GPLD1: variants seen among roughly 807,000 people sequenced by gnomAD.
GPLD1 encodes the protein phosphatidylinositol-glycan-specific phospholipase D.
Under a neutral mutation model 112.6 loss-of-function variants are expected in GPLD1, and 84 were observed. The ratio of observed to expected loss-of-function variants is 0.75; its 90% CI spans 0.63 to 0.89. The LOEUF is 0.89. Ranked by LOEUF, GPLD1 falls within the 40% of genes least tolerant of loss-of-function variation. The probability of loss-of-function intolerance (pLI) is 0.00; values close to 1 mark genes in which losing one functional copy is unlikely to be tolerated. For missense variants in GPLD1, 1,044 were observed against 1,051.5 expected (o/e 0.99, Z 0.10); for synonymous variants, 386 against 403.8 (o/e 0.96, Z 0.53).
intron 12 of GPLD1, among the ~76,000 whole-genome samples, chr6:24,458,636 T>G (rs544082215): frequency 4.9e-4 from 75 of 152,264 alleles, no homozygotes; most frequent in African/African-American, 1.7e-3. Context: ...CCCAGCACTT[T>G]GGGAGGCCCA....
At chr6:24,488,514 C>A (rs962984154) in intron 1 of GPLD1, among the ~76,000 whole-genome samples, 10 of 152,114 alleles carry the variant, frequency 6.6e-5, no homozygotes, top group African/African-American at 2.4e-4. Context: ...AATTGACTCA[C>A]GTTTTCCATG....
intron 5 of GPLD1, among the ~76,000 whole-genome samples, chr6:24,474,684 G>GT (rs1185220619): frequency 6.6e-6 from 1 of 152,198 alleles, no homozygotes; most frequent in East Asian, 1.9e-4. Flanking sequence ...GCTTATGCCT[G>GT]TTATCCCAGC....
intron 10 of GPLD1, 62 bp from the exon 11 acceptor site, chr6:24,462,857 G>T: frequency 8.2e-7 from 1 of 1,221,446 alleles, no homozygotes; most frequent in Non-Finnish European, 1.2e-6. Flanking sequence ...GAATTTTACC[G>T]AGAATCGGTA....
chr6:24,492,970 G>C (rs1764594088), upstream of GPLD1, among the ~76,000 whole-genome samples: 1 of 152,148 alleles, frequency 6.6e-6, no homozygotes, highest in Admixed American at 6.5e-5. Context: ...TCAGATTTTA[G>C]AATAAATTAA....
chr6:24,476,147 C>T (rs775637335), intron 4 of GPLD1, 34 bp downstream of exon 4: 2 of 1,184,862 alleles, frequency 1.7e-6, no homozygotes, highest in South Asian at 2.6e-5. Flanking sequence ...AGGTTTGGTG[C>T]TAAATATTTT....
Position 24,495,033 on chromosome 6 carries a change from C to T in GPLD1, n.173G>A, listed in dbSNP as rs766443938. ...CATTTGGCTGCGGAGCTGTGGGGCC[C>T]GGCGCCTCGGGTCGACGTTTCCAGG... On this transcript the variant is annotated non_coding_transcript_exon_variant, in exon 1 of 11. Coordinates refer to the GPLD1 transcript ENST00000474784. 2 of 1,347,916 alleles carry T rather than the reference C, an allele frequency of 1.5e-6. No individual in the cohort carries two copies. The highest frequency in any genetic ancestry group is 5.7e-5 in the Admixed American group (2 of 34,928). 83.5% of individuals were successfully genotyped at this position (1,347,916 alleles called of 1,614,324 possible).
chr6:24,445,016 CTTATTTTATT>C (rs141887630), intron 20 of GPLD1, among the ~76,000 whole-genome samples: 4 of 151,638 alleles, frequency 2.6e-5, no homozygotes, highest in African/African-American at 9.7e-5. Flanking sequence ...TTTATTTTAT[CTTATTTTATT>C]TTATTTTTAT....
At chr6:24,424,554 GTGATATCTTC>G (rs899948199), downstream of GPLD1, 1 of 152,192 alleles carries the variant, frequency 6.6e-6, no homozygotes, top group African/African-American at 2.4e-5. Context: ...TGTTAGAACT[GTGATATCTTC>G]TCATTTCCAC....
chr6:24,458,137 C>T (rs766854300), intron 12 of GPLD1, among the ~76,000 whole-genome samples: 30 of 151,410 alleles, frequency 2.0e-4, no homozygotes, highest in South Asian at 4.2e-4. Context: ...CTAAATCTGC[C>T]CAAGGGTGAC....
At chr6:24,493,461 A>G (rs548891131), upstream of GPLD1, among the ~76,000 whole-genome samples, 1 of 152,208 alleles carries the variant, frequency 6.6e-6, no homozygotes. Flanking sequence ...GGGTGACAGA[A>G]TGAGTCTGTC....
At position 24,437,124 on chromosome 6, in the gene GPLD1, T is replaced by A; in HGVS notation, c.2186A>T (p.Asp729Val). Residue 729 changes from aspartate (D) to valine (V), a missense_variant, in exon 21 of 25, where the codon GAT (aspartate) becomes GTT (valine). Coordinates refer to ENST00000230036, the MANE Select transcript of GPLD1 (RefSeq NM_001503.4). ...GGVLHLSDLD[D>V]DGLDEIIMAA... The stretch of plus-strand genomic sequence containing the variant: ...TGTTCCTTTCTTACCTAAGCCATCA[T>A]CATCCAGGTCACTCAAGTGCAGAAC... 1 of 1,614,116 alleles carries A rather than the reference T, an allele frequency of 6.2e-7. No homozygotes were observed. Among genetic ancestry groups the A allele is most frequent in the South Asian group, 1.1e-5 (1 of 91,086 alleles).
At chr6:24,482,752 A>T (rs1764246941) in intron 2 of GPLD1, among the ~76,000 whole-genome samples, 1 of 149,556 alleles carries the variant, frequency 6.7e-6, no homozygotes, top group Non-Finnish European at 1.5e-5. Context: ...TCAGCCCAGG[A>T]GTTCAAGACC....
At chr6:24,494,758 T>G in intron 1 of GPLD1, 1 of 378,234 alleles carries the variant, frequency 2.6e-6, no homozygotes, top group East Asian at 4.2e-5. Flanking sequence ...CGGGAGAAGG[T>G]CGCGCCAGGA....
intron 6 of GPLD1, 74 bp from the exon 7 acceptor site, chr6:24,472,710 C>A: frequency 1.2e-6 from 1 of 816,628 alleles, no homozygotes; most frequent in Non-Finnish European, 2.2e-6. Context: ...AACATGAGGT[C>A]TGACAAGTTG....
chr6:24,472,519 A>C, intron 7 of GPLD1, 63 bp downstream of exon 7: 1 of 919,584 alleles, frequency 1.1e-6, no homozygotes, highest in Non-Finnish European at 1.8e-6. Flanking sequence ...ATTTTCTAAG[A>C]AAAAAAGTCA....
Position 24,460,355 on chromosome 6 carries a change from G to T in GPLD1, c.932C>A (p.Ser311Tyr). Residue 311 changes from serine to tyrosine, a missense_variant, in exon 12 of 25, where the codon TCC becomes TAC. Coordinates refer to ENST00000230036, the MANE Select transcript of GPLD1 (RefSeq NM_001503.4). Reference protein sequence around the residue: ...KNDFHRNLTTSLTESVDRNIN... With the variant: ...KNDFHRNLTTYLTESVDRNIN... ...ATTCCTGTCAACACTTTCAGTTAGG[G>T]ATGTAGTCAAATTTCTGTGAAAATC... 6.2e-7 allele frequency: 1 copy of T among 1,612,574 alleles called. No individual in the cohort carries two copies. The highest frequency in any genetic ancestry group is 8.5e-7 in the Non-Finnish European group (1 of 1,178,598).
In GPLD1 at chr6:24,475,236, C is replaced by A; in HGVS notation, c.331-5G>T. On this transcript the variant is annotated splice_region_variant and splice_polypyrimidine_tract_variant and intron_variant, in intron 4 of 24. Coordinates refer to ENST00000230036, the MANE Select transcript of GPLD1 (RefSeq NM_001503.4). ...AGCTACCAGTTTCTCTGTGTCCTGC[C>A]AAACAAGCAAATTAGAGTCATGTGT... 6.8e-7 allele frequency: 1 copy of A among 1,469,956 alleles called. No homozygotes were observed. The highest frequency in any genetic ancestry group is 1.4e-5 in the African/African-American group (1 of 72,180). 91.1% of individuals were successfully genotyped at this position (1,469,956 alleles called of 1,614,324 possible). A position where few individuals can be genotyped will look rare whatever the true frequency, so the allele number is the denominator to read the frequency against.
At chr6:24,481,059 C>T (rs1010027485) in intron 2 of GPLD1, among the ~76,000 whole-genome samples, 7 of 152,140 alleles carry the variant, frequency 4.6e-5, no homozygotes, top group African/African-American at 7.2e-5. Context: ...TTTTACAAAC[C>T]GTGTATGAGA....
intron 2 of GPLD1, among the ~76,000 whole-genome samples, chr6:24,482,098 T>TTTTG (rs1491526684): frequency 0.02 from 171 of 8,500 alleles, 3 homozygotes; most frequent in African/African-American, 0.07. Flanking sequence ...TATTTTTGGA[T>TTTTG]TTTTTTTTTT....
Sources: gnomAD v4.1 joint callset for allele counts (sites outside exome capture counted in the v4.1 genomes callset) on GRCh38, gnomAD v4.1.1 for gene constraint, MANE v1.5 for transcripts, NCBI Gene and HGNC (gene_info 2026-07-23, HGNC 2026-07-21) for gene names.